Variants in PXDNL observed in about 807,000 individuals in gnomAD.
PXDNL encodes the protein probable oxidoreductase PXDNL.
Under a neutral mutation model 150.8 loss-of-function variants are expected in PXDNL, and 145 were observed. The ratio of observed to expected loss-of-function variants is 0.96; its 90% CI spans 0.84 to 1.10. The LOEUF (loss-of-function observed/expected upper bound fraction) is 1.10. Among genes scored for constraint, PXDNL ranks in the 50% least tolerant of loss-of-function variants. The pLI, the probability that PXDNL is intolerant of heterozygous loss-of-function variation, is 0.00. For missense variants in PXDNL, 2,087 were observed against 1,873.9 expected, an observed-to-expected ratio of 1.11 and a Z score of -2.10; for synonymous variants, 757 against 725.7, an observed-to-expected ratio of 1.04 and a Z score of -0.69.
At chr8:51,716,633 A>C (rs967812241) in intron 1 of PXDNL, among the ~76,000 whole-genome samples, 2 of 152,222 alleles carry the variant, frequency 1.3e-5, no homozygotes, top group South Asian at 4.1e-4. Context: ...GTGTGCCATG[A>C]TTTTCTCCAT....
intron 18 of PXDNL, among the ~76,000 whole-genome samples, chr8:51,373,327 C>A (rs946664933): frequency 1.3e-5 from 2 of 152,142 alleles, no homozygotes; most frequent in Non-Finnish European, 2.9e-5. Context: ...CAGCATCTAA[C>A]CTCCAGAATT....
intron 8 of PXDNL, among the ~76,000 whole-genome samples, chr8:51,469,732 T>C (rs1001429666): frequency 1.1e-4 from 16 of 152,104 alleles, no homozygotes; most frequent in Admixed American, 9.8e-4. Context: ...TAATTTGCTA[T>C]ACCACACTTT....
chr8:51,327,399 G>C (rs953671970), intron 21 of PXDNL, among the ~76,000 whole-genome samples: 2 of 152,182 alleles, frequency 1.3e-5, no homozygotes, highest in African/African-American at 4.8e-5. Context: ...TTTTCACTGG[G>C]AGCTGTACGG....
intron 13 of PXDNL, among the ~76,000 whole-genome samples, chr8:51,424,523 A>ATT (rs367567177): frequency 1.1e-4 from 14 of 129,804 alleles, no homozygotes; most frequent in Non-Finnish European, 2.1e-4. Context: ...TGATATGTGT[A>ATT]TTATATATAT....
intron 19 of PXDNL, among the ~76,000 whole-genome samples, chr8:51,351,842 T>C (rs1298443421): frequency 6.6e-6 from 1 of 152,006 alleles, no homozygotes; most frequent in African/African-American, 2.4e-5. Flanking sequence ...CTCTCCATAA[T>C]AAATAAAAAT....
intron 3 of PXDNL, among the ~76,000 whole-genome samples, chr8:51,570,781 T>C (rs572030527): frequency 1.3e-5 from 2 of 152,064 alleles, no homozygotes; most frequent in African/African-American, 2.4e-5. Context: ...AAGAAGTAGA[T>C]ATAAACTGTA....
chr8:51,435,369 T>TTTG (rs1554540213), intron 12 of PXDNL, among the ~76,000 whole-genome samples: 5 of 151,168 alleles, frequency 3.3e-5, no homozygotes, highest in African/African-American at 1.2e-4. Context: ...GTTTGCTTGT[T>TTTG]TTTGTTTGTT....
chr8:51,543,912 G>T (rs1489421545), intron 4 of PXDNL, among the ~76,000 whole-genome samples: 1 of 152,058 alleles, frequency 6.6e-6, no homozygotes, highest in African/African-American at 2.4e-5. Flanking sequence ...AAATATGTCA[G>T]CTCTATCAGT....
chr8:51,380,217 G>A (rs369752882), intron 17 of PXDNL, among the ~76,000 whole-genome samples: 19 of 152,244 alleles, frequency 1.2e-4, no homozygotes, highest in African/African-American at 4.3e-4. Context: ...CCTGGGCTGC[G>A]TGCCTCCCAC....
intron 2 of PXDNL, among the ~76,000 whole-genome samples, chr8:51,637,709 C>A (rs1394865964): frequency 6.6e-6 from 1 of 152,114 alleles, no homozygotes; most frequent in Admixed American, 6.6e-5. Flanking sequence ...TGTGAAAAGA[C>A]CAAATCTACA....
At chr8:51,601,003 T>C (rs1371566081) in intron 2 of PXDNL, among the ~76,000 whole-genome samples, 1 of 146,318 alleles carries the variant, frequency 6.8e-6, no homozygotes, top group Non-Finnish European at 1.5e-5. Flanking sequence ...ATAAATTATA[T>C]AGTTTAGATA....
intron 1 of PXDNL, among the ~76,000 whole-genome samples, chr8:51,732,490 C>G (rs888940190): frequency 6.6e-6 from 1 of 152,202 alleles, no homozygotes; most frequent in Non-Finnish European, 1.5e-5. Context: ...GCCCCTCAAA[C>G]TGTTCCAATC....
chr8:51,578,216 T>C (rs567212166), intron 3 of PXDNL, among the ~76,000 whole-genome samples: 77 of 151,972 alleles, frequency 5.1e-4, no homozygotes, highest in Non-Finnish European at 6.2e-4. Flanking sequence ...TGCTTATGTA[T>C]GTAAAACATT....
chr8:51,373,859 A>G (rs994240130), intron 18 of PXDNL, among the ~76,000 whole-genome samples: 1 of 152,182 alleles, frequency 6.6e-6, no homozygotes, highest in African/African-American at 2.4e-5. Flanking sequence ...ATTCCAAGCA[A>G]TAGAAGAGCA....
intron 1 of PXDNL, among the ~76,000 whole-genome samples, chr8:51,768,701 T>C (rs1217621545): frequency 6.6e-6 from 1 of 152,218 alleles, no homozygotes; most frequent in Admixed American, 6.5e-5. Context: ...TATGCAGATA[T>C]GTGCACACAC....
At chr8:51,556,974 C>A (rs1812614280) in intron 3 of PXDNL, 63 bp from the exon 4 acceptor site, 2 of 976,810 alleles carry the variant, frequency 2.0e-6, no homozygotes, top group African/African-American at 1.6e-5. Flanking sequence ...GTCTTAGATA[C>A]AAACTTTTTA....
At chr8:51,534,955 C>T (rs1381224199) in intron 4 of PXDNL, among the ~76,000 whole-genome samples, 2 of 109,124 alleles carry the variant, frequency 1.8e-5, no homozygotes, top group Non-Finnish European at 3.4e-5. Flanking sequence ...CCGCCCCGTC[C>T]GGGAGGGAGG....
At chr8:51,675,133 C>G (rs1474688982) in intron 1 of PXDNL, among the ~76,000 whole-genome samples, 1 of 152,192 alleles carries the variant, frequency 6.6e-6, no homozygotes, top group South Asian at 2.1e-4. Context: ...CTTATAAACC[C>G]TAGTCATTTC....
At chr8:51,687,272 T>C (rs912097022) in intron 1 of PXDNL, among the ~76,000 whole-genome samples, 7 of 152,336 alleles carry the variant, frequency 4.6e-5, no homozygotes, top group Admixed American at 1.3e-4. Flanking sequence ...TAAAGAAATT[T>C]GTCATTATAT....
Sources: allele counts gnomAD v4.1 joint callset (sites outside exome capture counted in the v4.1 genomes callset), GRCh38; gene constraint gnomAD v4.1.1; transcripts MANE v1.5; gene names NCBI Gene and HGNC (gene_info 2026-07-23, HGNC 2026-07-21).